The following PARP1 variants were observed in gnomAD, a reference collection of about 807,000 sequenced individuals.
PARP1 encodes the protein poly [ADP-ribose] polymerase 1.
In PARP1, 44 loss-of-function variants were observed where a neutral mutation model predicts 118.7. The observed-to-expected ratio is 0.37, with a 90% CI of 0.29 to 0.48. PARP1 has a LOEUF of 0.48. Ranked by LOEUF, PARP1 falls within the 20% of genes least tolerant of loss-of-function variation. The pLI, the probability that PARP1 is intolerant of heterozygous loss-of-function variation, is 0.99. For missense variants in PARP1, 1,100 were observed against 1,272.4 expected (o/e 0.86, Z 2.06); for synonymous variants, 492 against 483.2 (o/e 1.02, Z -0.24).
At chr1:226,396,308 T>C (rs1207405369) in intron 2 of PARP1, among the ~76,000 whole-genome samples, 1 of 151,820 alleles carries the variant, frequency 6.6e-6, no homozygotes, top group Non-Finnish European at 1.5e-5. Context: ...ATTGCGCCAC[T>C]GTACTCCAAC....
intron 4 of PARP1, 113 bp from the exon 5 acceptor site, chr1:226,388,868 A>G (rs1170639147): frequency 1.1e-5 from 9 of 840,242 alleles, no homozygotes; most frequent in Non-Finnish European, 1.8e-5. Flanking sequence ...TGTAGGGCCT[A>G]CTCACACTTG....
intron 3 of PARP1, 22 bp from the exon 4 acceptor site, chr1:226,390,646 G>A (rs111880841): frequency 2.1e-5 from 34 of 1,606,868 alleles, no homozygotes; most frequent in African/African-American, 1.7e-4. Context: ...ACCATATGTG[G>A]TACCAAGGGA....
chr1:226,384,387 T>C (rs918716884), intron 7 of PARP1, among the ~76,000 whole-genome samples: 11 of 152,370 alleles, frequency 7.2e-5, no homozygotes, highest in Middle Eastern at 3.4e-3. Flanking sequence ...GTGGGACAAG[T>C]GCCTGGGGGC....
chr1:226,363,228 G>T, intron 20 of PARP1, 68 bp from the exon 21 acceptor site: 1 of 994,928 alleles, frequency 1.0e-6, no homozygotes, highest in Non-Finnish European at 1.6e-6. Flanking sequence ...AGTTTGATTA[G>T]GAGAATAAGA....
chr1:226,378,378 C>T (rs928443748), intron 12 of PARP1, among the ~76,000 whole-genome samples: 1 of 151,516 alleles, frequency 6.6e-6, no homozygotes, highest in African/African-American at 2.4e-5. Context: ...CCACCATCCA[C>T]ACTCCAACCT....
At chr1:226,377,602 C>T (rs1205951162) in intron 12 of PARP1, among the ~76,000 whole-genome samples, 2 of 152,176 alleles carry the variant, frequency 1.3e-5, no homozygotes, top group Non-Finnish European at 2.9e-5. Flanking sequence ...AAAAATGATT[C>T]TAGTCCTCTC....
intron 15 of PARP1, 49 bp from the exon 16 acceptor site, chr1:226,368,370 A>G: frequency 6.2e-7 from 1 of 1,613,334 alleles, no homozygotes; most frequent in South Asian, 1.1e-5. Context: ...AGCAGCTCCA[A>G]GCCCCCGGCC....
At chr1:226,377,428 T>A in intron 12 of PARP1, 125 bp from the exon 13 acceptor site, 1 of 747,006 alleles carries the variant, frequency 1.3e-6, no homozygotes, top group Admixed American at 1.9e-5. Context: ...GGATGGTGAT[T>A]AACACAGAAC....
chr1:226,375,866 G>A (rs183635496), intron 13 of PARP1, among the ~76,000 whole-genome samples: 19 of 152,250 alleles, frequency 1.2e-4, no homozygotes, highest in Non-Finnish European at 2.4e-4. Flanking sequence ...GTTGTAACAT[G>A]GTACATATGG....
intron 4 of PARP1, 121 bp downstream of exon 4, chr1:226,390,289 C>G: frequency 1.1e-6 from 1 of 886,650 alleles, no homozygotes; most frequent in Non-Finnish European, 1.9e-6. Context: ...GTTTGCATCT[C>G]CCTGGCTTAC....
intron 2 of PARP1, 112 bp from the exon 3 acceptor site, chr1:226,392,426 C>A: frequency 1.3e-6 from 1 of 782,992 alleles, no homozygotes; most frequent in Non-Finnish European, 2.3e-6. Context: ...CACCTTATGC[C>A]TTGGGAGACT....
intron 7 of PARP1, among the ~76,000 whole-genome samples, chr1:226,384,521 A>G (rs918123654): frequency 6.6e-6 from 1 of 152,266 alleles, no homozygotes; most frequent in Non-Finnish European, 1.5e-5. Flanking sequence ...GGAATGGCAC[A>G]TTGCTTATTG....
At chr1:226,375,394 C>T (rs1410913854) in intron 13 of PARP1, among the ~76,000 whole-genome samples, 1 of 152,210 alleles carries the variant, frequency 6.6e-6, no homozygotes. Context: ...AGCATCATTA[C>T]AGTAAATGCC....
At chr1:226,406,939 A>G (rs764469598) in intron 1 of PARP1, among the ~76,000 whole-genome samples, 1 of 152,218 alleles carries the variant, frequency 6.6e-6, no homozygotes. Flanking sequence ...GACCATGAGC[A>G]CTAAGCTTGG....
intron 7 of PARP1, among the ~76,000 whole-genome samples, chr1:226,384,244 C>T (rs1420840659): frequency 2.0e-5 from 3 of 152,152 alleles, no homozygotes; most frequent in African/African-American, 7.2e-5. Flanking sequence ...AAAGAATGAG[C>T]AAGACTGGCG....
chr1:226,407,866 T>C lies in PARP1; in HGVS notation c.64A>G (p.Lys22Glu), dbSNP rs754981299. 1.2e-6 allele frequency: 2 copies of C among 1,609,744 alleles called. No homozygotes were observed. The highest frequency in any genetic ancestry group is 4.5e-5 in the East Asian group (2 of 44,642). Reference sequence around the variant, plus strand: ...TTGGGGATGCTCTCGCTGCATTTCTTGCAAGAGGCGCGCCCGCTCTTGGCG... The same window carrying C: ...TTGGGGATGCTCTCGCTGCATTTCTCGCAAGAGGCGCGCCCGCTCTTGGCG... ...EYAKSGRASC[K>E]KCSESIPKDS... The change falls in exon 1 of 23, where the codon AAG becomes GAG. Residue 22 changes from lysine (K) to glutamate (E), a missense_variant. Lys to Glu is a moderately conservative substitution (Grantham distance 56). Around this residue, in one of 2 missense-constraint regions of PARP1, gnomAD observed 948 missense variants for 1,031.8 expected, o/e 0.92. Coordinates refer to ENST00000366794, the MANE Select transcript of PARP1 (RefSeq NM_001618.4).
intron 5 of PARP1, among the ~76,000 whole-genome samples, chr1:226,387,952 T>C (rs1201754759): frequency 1.3e-5 from 2 of 152,190 alleles, no homozygotes; most frequent in Non-Finnish European, 2.9e-5. Flanking sequence ...CTGCTTTTAA[T>C]TTTAGTACCA....
At chr1:226,380,702 C>T (rs1324982459) in intron 9 of PARP1, among the ~76,000 whole-genome samples, 1 of 152,224 alleles carries the variant, frequency 6.6e-6, no homozygotes, top group Non-Finnish European at 1.5e-5. Context: ...TTCATATTTA[C>T]TGACTGAGCA....
Position 226,364,037 on chromosome 1 carries a change from C to T in PARP1, c.2692G>A (p.Ala898Thr), listed in dbSNP as rs139425386. 66 of 1,613,690 alleles carry T rather than the reference C, an allele frequency of 4.1e-5. No homozygotes were observed. Among genetic ancestry groups the T allele is most frequent in the South Asian group, 8.8e-5 (8 of 91,074 alleles). ...TTGGCACTCTTGGAGACCATGTCAG[C>T]GAAATAGATCCCTTTACCAAACATG... ...GYMFGKGIYF[A>T]DMVSKSANYC... The change falls in exon 20 of 23, where the codon GCT (alanine) becomes ACT (threonine). Residue 898 changes from alanine to threonine, a missense_variant. Around this residue, in one of 2 missense-constraint regions of PARP1, gnomAD observed 152 missense variants for 240.6 expected, o/e 0.63. Transcript: ENST00000366794.
Sources: allele counts gnomAD v4.1 joint callset (sites outside exome capture counted in the v4.1 genomes callset), GRCh38; gene constraint gnomAD v4.1.1; regional missense constraint gnomAD v4.1.1; transcripts MANE v1.5; gene names NCBI Gene and HGNC (gene_info 2026-07-23, HGNC 2026-07-21).